The following THSD7B variants were observed in gnomAD, a reference collection of about 807,000 sequenced individuals.
THSD7B encodes thrombospondin type 1 domain containing 7B.
A neutral mutation model predicts 213.6 loss-of-function variants in THSD7B; 138 were observed. The ratio of observed to expected loss-of-function variants is 0.65; its 90% confidence interval spans 0.56 to 0.74. The LOEUF is 0.74. Among genes scored for constraint, THSD7B ranks in the 30% least tolerant of loss-of-function variants. THSD7B has a pLI of 0.00. For missense variants in THSD7B, 1,931 were observed against 1,991.5 expected, an observed-to-expected ratio of 0.97 and a Z score of 0.58; for synonymous variants, 742 against 687.0, an observed-to-expected ratio of 1.08 and a Z score of -1.25.
intron 12 of THSD7B, among the ~76,000 whole-genome samples, chr2:137,325,596 GAC>G (rs1056960449): frequency 2.0e-5 from 3 of 151,904 alleles, no homozygotes; most frequent in Admixed American, 2.0e-4. Flanking sequence ...CACACACACA[GAC>G]ACACAAACAC....
At chr2:136,768,475 A>G (rs1656994138) in intron 1 of THSD7B, among the ~76,000 whole-genome samples, 1 of 152,254 alleles carries the variant, frequency 6.6e-6, no homozygotes, top group Non-Finnish European at 1.5e-5. Context: ...TAATAACATT[A>G]TGTCAAAAGT....
chr2:137,108,853 G>T (rs1451681146), intron 4 of THSD7B, among the ~76,000 whole-genome samples: 2 of 152,086 alleles, frequency 1.3e-5, no homozygotes. Context: ...GATGGTAGGA[G>T]GTAAATGAAG....
intron 12 of THSD7B, among the ~76,000 whole-genome samples, chr2:137,319,222 TC>T (rs1412015591): frequency 1.3e-5 from 2 of 151,646 alleles, no homozygotes; most frequent in Non-Finnish European, 2.9e-5. Context: ...AGTATATATT[TC>T]TTTTTTTTTT....
intron 9 of THSD7B, among the ~76,000 whole-genome samples, chr2:137,240,656 A>G (rs1377120740): frequency 2.0e-5 from 3 of 152,102 alleles, no homozygotes; most frequent in Admixed American, 6.5e-5. Flanking sequence ...GACTACAGGC[A>G]TGTACCCCCA....
At chr2:137,529,739 G>T (rs769817637) in intron 15 of THSD7B, among the ~76,000 whole-genome samples, 14 of 151,888 alleles carry the variant, frequency 9.2e-5, no homozygotes, top group Middle Eastern at 3.4e-3. Flanking sequence ...GAATTAAACT[G>T]CCCTTTAGAT....
intron 15 of THSD7B, among the ~76,000 whole-genome samples, chr2:137,503,491 A>G (rs939948197): frequency 3.9e-5 from 6 of 152,218 alleles, no homozygotes; most frequent in African/African-American, 1.2e-4. Flanking sequence ...AAAATTCTAC[A>G]TGGCTGTACA....
At chr2:136,970,772 G>A (rs1202812734) in intron 2 of THSD7B, among the ~76,000 whole-genome samples, 2 of 152,076 alleles carry the variant, frequency 1.3e-5, no homozygotes, top group Admixed American at 6.6e-5. Context: ...CAGACATAAA[G>A]AGAACATTTT....
intron 3 of THSD7B, among the ~76,000 whole-genome samples, chr2:137,059,178 A>G (rs1446773575): frequency 6.6e-6 from 1 of 152,046 alleles, no homozygotes; most frequent in Non-Finnish European, 1.5e-5. Flanking sequence ...AGAGAGAGAA[A>G]AAAAGAGAGC....
At chr2:137,068,659 A>G (rs1343727735) in intron 3 of THSD7B, among the ~76,000 whole-genome samples, 2 of 152,130 alleles carry the variant, frequency 1.3e-5, no homozygotes, top group African/African-American at 4.8e-5. Context: ...ATTGACTTCT[A>G]GGATGAACTA....
intron 4 of THSD7B, among the ~76,000 whole-genome samples, chr2:137,104,226 C>T (rs1290725551): frequency 6.6e-6 from 1 of 152,146 alleles, no homozygotes; most frequent in Non-Finnish European, 1.5e-5. Flanking sequence ...GGATAAGAAA[C>T]TCTTTCAAAA....
At chr2:137,092,529 C>A (rs35455330) in intron 3 of THSD7B, among the ~76,000 whole-genome samples, 12,621 of 152,172 alleles carry the variant, frequency 0.083, 753 homozygotes, top group African/African-American at 0.16. Context: ...TAAATATGGA[C>A]ATTTACTATC....
intron 1 of THSD7B, among the ~76,000 whole-genome samples, chr2:136,870,047 G>A (rs1358560873): frequency 6.7e-6 from 1 of 150,048 alleles, no homozygotes; most frequent in Non-Finnish European, 1.5e-5. Flanking sequence ...ACTCCGGGCT[G>A]GGCGAAAGAG....
At chr2:137,380,547 G>A (rs1685750507) in intron 12 of THSD7B, among the ~76,000 whole-genome samples, 1 of 152,190 alleles carries the variant, frequency 6.6e-6, no homozygotes, top group African/African-American at 2.4e-5. Context: ...AGGGACAGAT[G>A]GAAAGGGATG....
chr2:137,283,382 C>T (rs989727042), intron 12 of THSD7B, among the ~76,000 whole-genome samples: 1 of 152,108 alleles, frequency 6.6e-6, no homozygotes, highest in Non-Finnish European at 1.5e-5. Context: ...TAATTGAATG[C>T]CCTTTATTTC....
chr2:137,194,962 A>G (rs1256194183), intron 7 of THSD7B, among the ~76,000 whole-genome samples: 3 of 152,104 alleles, frequency 2.0e-5, no homozygotes, highest in Non-Finnish European at 4.4e-5. Context: ...TAGTGGTAGA[A>G]ACAGTGGGAA....
chr2:137,262,381 A>C (rs989201488), intron 10 of THSD7B, among the ~76,000 whole-genome samples: 1 of 151,962 alleles, frequency 6.6e-6, no homozygotes, highest in African/African-American at 2.4e-5. Flanking sequence ...AGAATGCAAC[A>C]CATTAGGGGA....
chr2:136,920,348 TC>T (rs1684413309), intron 2 of THSD7B, among the ~76,000 whole-genome samples: 1 of 152,190 alleles, frequency 6.6e-6, no homozygotes, highest in Admixed American at 6.5e-5. Flanking sequence ...AGTCGGTAGT[TC>T]CTTTCCACAG....
intron 17 of THSD7B, among the ~76,000 whole-genome samples, chr2:137,573,362 T>G (rs185817626): frequency 2.6e-5 from 4 of 152,224 alleles, no homozygotes; most frequent in Admixed American, 2.6e-4. Context: ...AATCTCTGTA[T>G]GGAAATGGAA....
At chr2:137,060,216 T>G (rs1214428243) in intron 3 of THSD7B, among the ~76,000 whole-genome samples, 1 of 152,146 alleles carries the variant, frequency 6.6e-6, no homozygotes, top group African/African-American at 2.4e-5. Flanking sequence ...TTGAGTTGTT[T>G]TCTTATTGTT....
Sources: gnomAD v4.1 joint callset for allele counts (sites outside exome capture counted in the v4.1 genomes callset) on GRCh38, gnomAD v4.1.1 for gene constraint, MANE v1.5 for transcripts, NCBI Gene and HGNC (gene_info 2026-07-23, HGNC 2026-07-21) for gene names.